The following AATK variants were observed in gnomAD, a reference collection of about 807,000 sequenced individuals.
AATK encodes serine/threonine-protein kinase LMTK1.
A neutral mutation model predicts 114.3 loss-of-function variants in AATK; 91 were observed. That is an observed-to-expected ratio of 0.80 (90% CI 0.67 to 0.95). AATK has a LOEUF of 0.95. Among genes scored for constraint, AATK ranks in the 40% least tolerant of loss-of-function variants. The pLI, the probability that AATK is intolerant of heterozygous loss-of-function variation, is 0.00. For synonymous variants in AATK, 1,075 were observed against 916.5 expected (o/e 1.17, Z -3.12); for missense variants, 2,176 against 1,965.2 (o/e 1.11, Z -2.03).
rs757920645 is a variant in AATK, at chr17:81,121,526, G to C, written c.2410C>G (p.Gln804Glu). ...LPLPSVPSPSQEGAPLPSEEA... is the reference protein window; with the variant it reads ...LPLPSVPSPSEEGAPLPSEEA... ...TCCGAGGGAAGTGGGGCTCCCTCCT[G>C]GGATGGGGAGGGGACGGAAGGAAGG... Residue 804 changes from glutamine to glutamate, a missense_variant, in exon 11 of 14, where the codon CAG (glutamine) becomes GAG (glutamate). Around this residue, in one of 4 missense-constraint regions of AATK, gnomAD observed 1,701 missense variants for 1,394.7 expected, o/e 1.22. Coordinates refer to ENST00000326724, the MANE Select transcript of AATK (RefSeq NM_001080395.3). The C allele has an allele frequency of 1.9e-6, 3 of 1,540,674 alleles. No individual in the cohort carries two copies. In the South Asian group the frequency reaches 3.8e-5, roughly 19 times the overall value.
chr17:81,139,136 G>C (rs535994665), intron 1 of AATK, among the ~76,000 whole-genome samples: 2 of 152,310 alleles, frequency 1.3e-5, no homozygotes, highest in African/African-American at 4.8e-5. Context: ...CTGCTCAGTA[G>C]GTATCATCAT....
intron 1 of AATK, 48 bp downstream of exon 1, chr17:81,165,890 G>A (rs995264192): frequency 2.6e-6 from 4 of 1,553,612 alleles, no homozygotes; most frequent in African/African-American, 1.4e-5. Flanking sequence ...CATCACGTCC[G>A]CAGCGGAGGG....
At position 81,119,423 on chromosome 17, in the gene AATK, G is replaced by C; in HGVS notation, c.4041C>G (p.Phe1347Leu). The C allele has an allele frequency of 6.5e-7, 1 of 1,537,508 alleles. No homozygotes were observed. Among genetic ancestry groups the C allele is most frequent in the Non-Finnish European group, 8.7e-7 (1 of 1,148,976 alleles). Residue 1347 changes from phenylalanine (F) to leucine (L), a missense_variant, in exon 13 of 14, where the codon TTC (phenylalanine) becomes TTG (leucine). Phe to Leu is a conservative substitution (Grantham distance 22). Transcript: ENST00000326724. Reference sequence around the variant, plus strand: ...CCGAGTCAGACACGTGCGTGATGGAGAAGCGGGACGTGGGCGCGGGCGACA... The same window carrying C: ...CCGAGTCAGACACGTGCGTGATGGACAAGCGGGACGTGGGCGCGGGCGACA... Reference protein sequence around the residue: ...FTVSPAPTSRFSITHVSDSDA... With the variant: ...FTVSPAPTSRLSITHVSDSDA...
intron 2 of AATK, among the ~76,000 whole-genome samples, chr17:81,134,022 G>A (rs980019586): frequency 6.6e-6 from 1 of 152,154 alleles, no homozygotes; most frequent in Non-Finnish European, 1.5e-5. Context: ...GGGCCTCTAG[G>A]GAGGCAAGCC....
chr17:81,139,614 C>T (rs756034947), intron 1 of AATK, among the ~76,000 whole-genome samples: 20 of 152,242 alleles, frequency 1.3e-4, no homozygotes, highest in Non-Finnish European at 2.2e-4. Context: ...GGCCATACCG[C>T]GGTCCCTGGT....
intron 1 of AATK, among the ~76,000 whole-genome samples, chr17:81,136,761 G>A (rs1230924116): frequency 6.6e-6 from 1 of 152,224 alleles, no homozygotes; most frequent in Admixed American, 6.5e-5. Flanking sequence ...GAAGGTGGAT[G>A]TGTAGGGGTG....
intron 12 of AATK, among the ~76,000 whole-genome samples, 170 bp downstream of exon 12, chr17:81,119,766 G>A (rs2060671315): frequency 6.7e-6 from 1 of 149,414 alleles, no homozygotes; most frequent in Non-Finnish European, 1.5e-5. Context: ...CTTCCGTGAC[G>A]TCACGTACCA....
chr17:81,145,986 G>A (rs8076650), intron 1 of AATK, among the ~76,000 whole-genome samples: 47,839 of 151,422 alleles, frequency 0.32, 7,793 homozygotes, highest in Non-Finnish European at 0.36. Context: ...TGAGGAGTTC[G>A]AGACCAGCCT....
At chr17:81,144,182 C>T (rs948326682) in intron 1 of AATK, among the ~76,000 whole-genome samples, 1 of 152,256 alleles carries the variant, frequency 6.6e-6, no homozygotes, top group Admixed American at 6.5e-5. Context: ...TTTTGTGGCA[C>T]CAACAGCCAG....
At chr17:81,125,934 A>G (rs1164577004) in intron 7 of AATK, 1 of 478,692 alleles carries the variant, frequency 2.1e-6, no homozygotes, top group East Asian at 6.7e-5. Context: ...ACTCAGCACC[A>G]GGATATTGTT....
At chr17:81,129,204 G>A (rs1044072753) in intron 3 of AATK, among the ~76,000 whole-genome samples, 2 of 152,260 alleles carry the variant, frequency 1.3e-5, no homozygotes, top group Admixed American at 1.3e-4. Context: ...GCCTGGGTCT[G>A]AGCCTGGCTG....
At chr17:81,140,685 GTGGGGCCGT>G (rs2061111821) in intron 1 of AATK, among the ~76,000 whole-genome samples, 2 of 137,596 alleles carry the variant, frequency 1.5e-5, no homozygotes, top group South Asian at 2.5e-4. Context: ...CCATGGGGCC[GTGGGGCCGT>G]TGAGCTGTGG....
Position 81,124,832 on chromosome 17 carries a change from G to A in AATK, c.857C>T (p.Thr286Ile). 2 of 1,610,990 alleles carry A rather than the reference G, an allele frequency of 1.2e-6. No individual in the cohort carries two copies. The highest frequency in any genetic ancestry group is 1.7e-6 in the Non-Finnish European group (2 of 1,178,962). The change falls in exon 9 of 14, where the codon ACT becomes ATT. Residue 286 changes from threonine to isoleucine, a missense_variant. Coordinates refer to ENST00000326724, the MANE Select transcript of AATK (RefSeq NM_001080395.3). ...HCKYREDYFV[T>I]ADQLWVPLRW... ...CAGAGGCACCCACAGCTGGTCGGCA[G>A]TCACGAAGTAGTCCTCCTGTTGGCA...
chr17:81,155,080 C>T (rs903600539), intron 1 of AATK, among the ~76,000 whole-genome samples: 3 of 152,212 alleles, frequency 2.0e-5, no homozygotes, highest in Non-Finnish European at 4.4e-5. Context: ...GCGTGTTTGA[C>T]TCCACGGATG....
chr17:81,158,358 C>T (rs2061391834), intron 1 of AATK, among the ~76,000 whole-genome samples: 1 of 152,212 alleles, frequency 6.6e-6, no homozygotes, highest in Non-Finnish European at 1.5e-5. Flanking sequence ...AGGCAGCTTC[C>T]CAGGGAGAGA....
intron 6 of AATK, among the ~76,000 whole-genome samples, chr17:81,127,128 G>A (rs2060847205): frequency 1.4e-5 from 2 of 146,378 alleles, no homozygotes; most frequent in Admixed American, 1.3e-4. Flanking sequence ...GTCTCAGGGG[G>A]AGGGGGGGAC....
intron 2 of AATK, 24 bp from the exon 3 acceptor site, chr17:81,131,229 C>A: frequency 1.3e-6 from 2 of 1,552,876 alleles, no homozygotes; most frequent in Non-Finnish European, 1.7e-6. Flanking sequence ...CGGGCATGAG[C>A]GGGGCTTCTC....
At chr17:81,140,582 G>C (rs2061107286) in intron 1 of AATK, among the ~76,000 whole-genome samples, 1 of 150,872 alleles carries the variant, frequency 6.6e-6, no homozygotes. Flanking sequence ...GTCATCCCGA[G>C]GGTCTTTGGA....
At chr17:81,125,041 AGGGTG>A (rs1207173233) in intron 7 of AATK, 27 bp from the exon 8 acceptor site, 11 of 45,636 alleles carry the variant, frequency 2.4e-4, no homozygotes, top group Admixed American at 1.3e-3. Context: ...GGGCAGGGGC[AGGGTG>A]AGCAGGGTGA....
Sources: allele counts gnomAD v4.1 joint callset (sites outside exome capture counted in the v4.1 genomes callset), GRCh38; gene constraint gnomAD v4.1.1; regional missense constraint gnomAD v4.1.1; transcripts MANE v1.5; gene names NCBI Gene and HGNC (gene_info 2026-07-23, HGNC 2026-07-21).